Variants in COL19A1 observed in about 807,000 individuals in gnomAD.
COL19A1 encodes collagen alpha-1(XIX) chain.
In COL19A1, 159 loss-of-function variants were observed where a neutral mutation model predicts 190.2. The observed-to-expected ratio is 0.84, with a 90% CI of 0.73 to 0.95. The LOEUF (loss-of-function observed/expected upper bound fraction) is 0.95, where lower values mean the gene tolerates loss of function less well. Ranked by LOEUF, COL19A1 falls within the 40% of genes least tolerant of loss-of-function variation. The pLI, the probability that COL19A1 is intolerant of heterozygous loss-of-function variation, is 0.00. For missense variants in COL19A1, 1,418 were observed against 1,431.9 expected, an observed-to-expected ratio of 0.99 and a Z score of 0.16; for synonymous variants, 509 against 458.9, an observed-to-expected ratio of 1.11 and a Z score of -1.39.
At chr6:70,025,965 A>C (rs1778711670) in intron 12 of COL19A1, among the ~76,000 whole-genome samples, 1 of 152,224 alleles carries the variant, frequency 6.6e-6, no homozygotes, top group African/African-American at 2.4e-5. Context: ...CTAACTTGTG[A>C]GAAATGTAGG....
chr6:69,898,415 A>G (rs1582323759), intron 2 of COL19A1, among the ~76,000 whole-genome samples: 2 of 152,346 alleles, frequency 1.3e-5, no homozygotes, highest in South Asian at 2.1e-4. Flanking sequence ...GCTGTAGCAC[A>G]TAAGTACACT....
In COL19A1 at chr6:70,150,064, T is replaced by A. The variant is rs1351641943; in HGVS notation, c.2037+19T>A. The stretch of plus-strand genomic sequence containing the variant: ...TGACCCGGTATGTAGACAAACCTTG[T>A]CTGATTTATGTATCTTAAATGCACC... On this transcript the variant is annotated intron_variant, in intron 30 of 50. Transcript: ENST00000620364. 6.2e-7 allele frequency: 1 copy of A among 1,613,112 alleles called. No individual in the cohort carries two copies. The highest frequency in any genetic ancestry group is 8.5e-7 in the Non-Finnish European group (1 of 1,179,636).
At chr6:69,900,593 C>T (rs1770122626) in intron 4 of COL19A1, among the ~76,000 whole-genome samples, 1 of 151,968 alleles carries the variant, frequency 6.6e-6, no homozygotes, top group Admixed American at 6.5e-5. Context: ...AAATCCATTT[C>T]TGAAGAAATA....
At chr6:70,180,406 T>C in intron 43 of COL19A1, 50 bp downstream of exon 43, 1 of 1,614,046 alleles carries the variant, frequency 6.2e-7, no homozygotes, top group Non-Finnish European at 8.5e-7. Context: ...TGTACTTGCA[T>C]GCAGTTTTAA....
intron 1 of COL19A1, among the ~76,000 whole-genome samples, chr6:69,868,200 G>GAAA (rs543690440): frequency 2.8e-5 from 4 of 142,954 alleles, no homozygotes; most frequent in Non-Finnish European, 4.6e-5. Context: ...AGACTAAAGG[G>GAAA]AAAAAAAAAA....
At chr6:70,021,123 C>G (rs1778392735) in intron 11 of COL19A1, among the ~76,000 whole-genome samples, 1 of 152,014 alleles carries the variant, frequency 6.6e-6, no homozygotes, top group Non-Finnish European at 1.5e-5. Context: ...TTTTAATGAA[C>G]CTTATTTCAC....
chr6:69,993,098 A>G (rs558877451), intron 11 of COL19A1, among the ~76,000 whole-genome samples: 29 of 152,244 alleles, frequency 1.9e-4, no homozygotes, highest in African/African-American at 6.7e-4. Flanking sequence ...GGTTTTTGTC[A>G]TAGATGACTC....
intron 36 of COL19A1, among the ~76,000 whole-genome samples, chr6:70,165,719 G>A (rs1765107573): frequency 6.6e-6 from 1 of 152,154 alleles, no homozygotes; most frequent in African/African-American, 2.4e-5. Context: ...CTCACACAGT[G>A]AGAGTCAGAA....
intron 34 of COL19A1, among the ~76,000 whole-genome samples, chr6:70,161,063 C>T (rs1329674884): frequency 6.6e-6 from 1 of 152,088 alleles, no homozygotes; most frequent in Admixed American, 6.6e-5. Flanking sequence ...GTATCAGCAT[C>T]TTAAATCCTA....
chr6:70,005,759 T>C (rs1287089218), intron 11 of COL19A1, among the ~76,000 whole-genome samples: 1 of 152,048 alleles, frequency 6.6e-6, no homozygotes, highest in Non-Finnish European at 1.5e-5. Context: ...CCAGGAGGAA[T>C]GGTTAAGTCT....
intron 16 of COL19A1, among the ~76,000 whole-genome samples, chr6:70,113,873 T>C (rs1288953700): frequency 1.6e-5 from 2 of 128,438 alleles, no homozygotes; most frequent in South Asian, 2.5e-4. Flanking sequence ...TTTTTGGAGA[T>C]GGAGTCTTGC....
chr6:70,180,516 G>A lies in COL19A1; in HGVS notation c.2768G>A (p.Gly923Glu), dbSNP rs867736301. 6.2e-7 allele frequency: 1 copy of A among 1,614,120 alleles called. No individual in the cohort carries two copies. The highest frequency in any genetic ancestry group is 8.5e-7 in the Non-Finnish European group (1 of 1,180,002). Residue 923 changes from glycine to glutamate, a missense_variant, in exon 44 of 51, where the codon GGA becomes GAA. By Grantham distance (98) the Gly-to-Glu change is moderately conservative. Coordinates refer to ENST00000620364, the MANE Select transcript of COL19A1 (RefSeq NM_001858.6). Reference sequence around the variant, plus strand: ...TTCCCTGGACCAGAAGGACCCTCAGGAAAGCCAGTAAGTACTTCTTACTAC... The same window carrying A: ...TTCCCTGGACCAGAAGGACCCTCAGAAAAGCCAGTAAGTACTTCTTACTAC... ...IGFPGPEGPS[G>E]KPGINGKDGI...
intron 46 of COL19A1, among the ~76,000 whole-genome samples, chr6:70,187,396 CACAA>C (rs764853627): frequency 6.6e-6 from 1 of 151,758 alleles, no homozygotes; most frequent in Non-Finnish European, 1.5e-5. Flanking sequence ...TCTAATAAAG[CACAA>C]ACAAACAGGG....
intron 48 of COL19A1, among the ~76,000 whole-genome samples, chr6:70,195,988 C>T (rs997239013): frequency 5.9e-5 from 9 of 152,156 alleles, no homozygotes; most frequent in East Asian, 5.8e-4. Context: ...GTGTTTAATC[C>T]GCCATCTTTA....
At chr6:70,105,970 G>A (rs1783934847) in intron 16 of COL19A1, among the ~76,000 whole-genome samples, 1 of 152,146 alleles carries the variant, frequency 6.6e-6, no homozygotes, top group South Asian at 2.1e-4. Context: ...TAGTCAGCAT[G>A]ATTGTCTGCA....
chr6:70,197,111 A>C (rs1279104663), intron 48 of COL19A1, among the ~76,000 whole-genome samples: 2 of 152,142 alleles, frequency 1.3e-5, no homozygotes, highest in Admixed American at 1.3e-4. Context: ...GTATTTAAAC[A>C]GACATGTTTC....
chr6:70,207,783 G>T lies in COL19A1; in HGVS notation c.*509G>T, dbSNP rs945644371. On this transcript the variant is annotated 3_prime_UTR_variant, in exon 51 of 51. Coordinates refer to ENST00000620364, the MANE Select transcript of COL19A1 (RefSeq NM_001858.6). Reference sequence around the variant, plus strand: ...TTTTTGACTACTTTTTATAACTTAAGAATTTTTATACCATCTACATCTATC... The same window carrying T: ...TTTTTGACTACTTTTTATAACTTAATAATTTTTATACCATCTACATCTATC... The T allele has an allele frequency of 6.6e-6, 1 of 151,808 alleles. No individual in the cohort carries two copies. The highest frequency in any genetic ancestry group is 2.4e-5 in the African/African-American group (1 of 41,302). 9.4% of individuals were successfully genotyped at this position (151,808 alleles called of 1,614,324 possible). A position where few individuals can be genotyped will look rare whatever the true frequency, so the allele number is the denominator to read the frequency against.
At chr6:70,171,899 T>G (rs1231498150) in intron 40 of COL19A1, 65 bp from the exon 41 acceptor site, 1 of 1,533,104 alleles carries the variant, frequency 6.5e-7, no homozygotes, top group East Asian at 2.3e-5. Context: ...ATCTTTGCTT[T>G]GGAAACCAAT....
intron 11 of COL19A1, among the ~76,000 whole-genome samples, chr6:69,979,419 A>G (rs1775911108): frequency 1.3e-5 from 2 of 151,938 alleles, no homozygotes; most frequent in African/African-American, 2.4e-5. Flanking sequence ...TAAAAGTTAA[A>G]TGATTATATC....
Sources: allele counts gnomAD v4.1 joint callset (sites outside exome capture counted in the v4.1 genomes callset), GRCh38; gene constraint gnomAD v4.1.1; transcripts MANE v1.5; gene names NCBI Gene and HGNC (gene_info 2026-07-23, HGNC 2026-07-21).